The following AGBL4 variants were observed in gnomAD, a reference collection of about 807,000 sequenced individuals.
AGBL4 encodes cytosolic carboxypeptidase 6.
A neutral mutation model predicts 66.4 loss-of-function variants in AGBL4; 58 were observed. That is an observed-to-expected ratio of 0.87 (90% confidence interval 0.71 to 1.09). The LOEUF is 1.09. AGBL4 is among the 50% of genes least tolerant of loss of function. The pLI, the probability that AGBL4 is intolerant of heterozygous loss-of-function variation, is 0.00. For missense variants in AGBL4, 579 were observed against 631.0 expected (o/e 0.92, Z 0.88); for synonymous variants, 234 against 222.9 (o/e 1.05, Z -0.44).
chr1:48,589,999 G>A (rs768591316), intron 10 of AGBL4, among the ~76,000 whole-genome samples: 14 of 152,208 alleles, frequency 9.2e-5, no homozygotes, highest in Non-Finnish European at 1.9e-4. Context: ...TGTAATCCCA[G>A]CATTTTGGGA....
At chr1:48,995,353 A>G (rs1191977802) in intron 5 of AGBL4, among the ~76,000 whole-genome samples, 1 of 152,192 alleles carries the variant, frequency 6.6e-6, no homozygotes, top group Non-Finnish European at 1.5e-5. Context: ...TTATTATACT[A>G]AAGCCTTGAG....
chr1:49,849,395 TA>T (rs1336240413), intron 2 of AGBL4, among the ~76,000 whole-genome samples: 20 of 76,448 alleles, frequency 2.6e-4, no homozygotes, highest in African/African-American at 1.0e-3. Flanking sequence ...TCATCTAATT[TA>T]TTATTATTAT....
intron 3 of AGBL4, among the ~76,000 whole-genome samples, chr1:49,565,323 T>A (rs529966667): frequency 6.6e-6 from 1 of 152,334 alleles, no homozygotes; most frequent in East Asian, 1.9e-4. Flanking sequence ...AGAATTGTTA[T>A]GTGTGAATTT....
At chr1:50,006,668 A>AG (rs1452228256) in intron 1 of AGBL4, among the ~76,000 whole-genome samples, 9 of 118,430 alleles carry the variant, frequency 7.6e-5, no homozygotes, top group Admixed American at 2.6e-4. Flanking sequence ...AAAGTGTAGA[A>AG]GGGAAAAAAA....
At position 49,573,146 on chromosome 1, in the gene AGBL4, CTGTGTGTGTGTGTGTG is replaced by C. The variant is rs57980631; in HGVS notation, c.282+124151_282+124166del. On this transcript the variant is annotated intron_variant, in intron 3 of 13. Coordinates refer to ENST00000371839, the MANE Select transcript of AGBL4 (RefSeq NM_032785.4). ...TATATGTGTGTCTGTGTGTGTGTGT[CTGTGTGTGTGTGTGTG>C]TGTGTGTGTGTGTGTGTGTGTGTGT... is the stretch of plus-strand genomic sequence containing the variant. 4.0e-3 allele frequency among the ~76,000 whole-genome samples: 543 copies of C among 136,674 alleles called. 2 individuals carry two copies. Among genetic ancestry groups the C allele is most frequent in the African/African-American group, 0.012 (458 of 37,822 alleles). The allele number at this position is 136,674 out of a possible 152,430, so 89.7% of individuals were successfully genotyped here. A position where few individuals can be genotyped will look rare whatever the true frequency, so the allele number is the denominator to read the frequency against.
intron 3 of AGBL4, among the ~76,000 whole-genome samples, chr1:49,608,731 C>T (rs1263635114): frequency 1.3e-5 from 2 of 152,108 alleles, no homozygotes; most frequent in Non-Finnish European, 2.9e-5. Flanking sequence ...TCAGTAAATG[C>T]ATCTCCTAGC....
chr1:48,777,124 C>A (rs1020773139), intron 6 of AGBL4, among the ~76,000 whole-genome samples: 2 of 152,030 alleles, frequency 1.3e-5, no homozygotes. Context: ...GCAATCACAG[C>A]CGGAGCGCGA....
At chr1:49,437,151 G>C (rs549156909) in intron 3 of AGBL4, among the ~76,000 whole-genome samples, 1 of 152,274 alleles carries the variant, frequency 6.6e-6, no homozygotes, top group Non-Finnish European at 1.5e-5. Context: ...GCCCGGGTCA[G>C]AGAAGTATCT....
intron 1 of AGBL4, among the ~76,000 whole-genome samples, chr1:49,967,956 G>C (rs1657708702): frequency 6.6e-6 from 1 of 152,148 alleles, no homozygotes; most frequent in African/African-American, 2.4e-5. Flanking sequence ...GGGCATGGTG[G>C]CTCACGCCTA....
intron 1 of AGBL4, among the ~76,000 whole-genome samples, chr1:50,006,121 C>T (rs919880224): frequency 2.0e-5 from 3 of 152,064 alleles, no homozygotes; most frequent in East Asian, 1.9e-4. Flanking sequence ...AGGCAGATCA[C>T]GAGGTCAGGA....
At chr1:48,746,741 A>G (rs1342098293) in intron 6 of AGBL4, among the ~76,000 whole-genome samples, 1 of 152,174 alleles carries the variant, frequency 6.6e-6, no homozygotes, top group Admixed American at 6.5e-5. Context: ...TCTGCAACTC[A>G]GCTTTCCTAC....
chr1:49,097,380 G>C (rs771656900), intron 4 of AGBL4, among the ~76,000 whole-genome samples: 1 of 152,072 alleles, frequency 6.6e-6, no homozygotes, highest in Non-Finnish European at 1.5e-5. Context: ...TCTCAATCTG[G>C]GTGCTGGTTA....
At chr1:49,814,755 T>A (rs1257105981) in intron 2 of AGBL4, among the ~76,000 whole-genome samples, 1 of 152,124 alleles carries the variant, frequency 6.6e-6, no homozygotes, top group Non-Finnish European at 1.5e-5. Flanking sequence ...ATTGAAGGAA[T>A]ATCTAGGTCT....
chr1:49,623,149 G>C (rs1010994751), intron 3 of AGBL4, among the ~76,000 whole-genome samples: 3 of 152,162 alleles, frequency 2.0e-5, no homozygotes, highest in Non-Finnish European at 4.4e-5. Flanking sequence ...CTCTTCCTTG[G>C]CCTGTGGTTT....
chr1:48,703,132 GA>G (rs1457809025), intron 6 of AGBL4, among the ~76,000 whole-genome samples: 2 of 152,176 alleles, frequency 1.3e-5, no homozygotes, highest in African/African-American at 4.8e-5. Flanking sequence ...CTTAGAGAAA[GA>G]GAAAGTTGAA....
At chr1:48,809,661 C>A (rs557343406) in intron 6 of AGBL4, among the ~76,000 whole-genome samples, 47 of 152,136 alleles carry the variant, frequency 3.1e-4, no homozygotes, top group Non-Finnish European at 5.7e-4. Flanking sequence ...ATAAATAGAA[C>A]CTCATTTGTG....
chr1:48,772,016 C>T (rs1644860451), intron 6 of AGBL4, among the ~76,000 whole-genome samples: 1 of 152,204 alleles, frequency 6.6e-6, no homozygotes, highest in Non-Finnish European at 1.5e-5. Flanking sequence ...CCTATCTCCC[C>T]TATTTCCCTC....
At chr1:49,934,034 G>A (rs964057455) in intron 1 of AGBL4, among the ~76,000 whole-genome samples, 1 of 152,022 alleles carries the variant, frequency 6.6e-6, no homozygotes, top group Admixed American at 6.5e-5. Context: ...TAGCTTTAAG[G>A]ACACATGTGG....
At chr1:49,692,502 AG>A (rs1646908326) in intron 3 of AGBL4, among the ~76,000 whole-genome samples, 1 of 151,962 alleles carries the variant, frequency 6.6e-6, no homozygotes, top group African/African-American at 2.4e-5. Context: ...GTGGATCACG[AG>A]GTCAGGAGAT....
Sources: allele counts gnomAD v4.1 joint callset (sites outside exome capture counted in the v4.1 genomes callset), GRCh38; gene constraint gnomAD v4.1.1; transcripts MANE v1.5; gene names NCBI Gene and HGNC (gene_info 2026-07-23, HGNC 2026-07-21).